CUL4A: variants seen among roughly 807,000 people sequenced by gnomAD.
CUL4A encodes cullin 4A.
Under a neutral mutation model 95.5 loss-of-function variants are expected in CUL4A, and 16 were observed. The observed-to-expected ratio is 0.17, with a 90% CI of 0.11 to 0.25. The LOEUF is 0.25. Ranked by LOEUF, CUL4A falls within the 10% of genes least tolerant of loss-of-function variation. The pLI, the probability that CUL4A is intolerant of heterozygous loss-of-function variation, is 1.00. For synonymous variants in CUL4A, 380 were observed against 353.1 expected (o/e 1.08, Z -0.85); for missense variants, 610 against 937.0 (o/e 0.65, Z 4.56).
In CUL4A at chr13:113,228,020, G is replaced by A. The variant is rs765677995; in HGVS notation, c.413G>A (p.Cys138Tyr). Reference protein sequence around the residue: ...SVLFLKKINTCWQDHCRQMIM... With the variant: ...SVLFLKKINTYWQDHCRQMIM... ...TTATTTTTAAAGAAGATTAACACGT[G>A]CTGGCAGGACCACTGCAGACAAATG... is the stretch of plus-strand genomic sequence containing the variant. The change falls in exon 4 of 20, where the codon TGC (cysteine) becomes TAC (tyrosine). Residue 138 changes from cysteine (C) to tyrosine (Y), a missense_variant. This residue lies in a region of CUL4A where 168 missense variants were observed against 185.5 expected (regional missense o/e 0.91). Transcript: ENST00000375440. 6.2e-7 allele frequency: 1 copy of A among 1,613,498 alleles called. No homozygotes were observed. The highest frequency in any genetic ancestry group is 8.5e-7 in the Non-Finnish European group (1 of 1,179,592).
chr13:113,230,306 T>C (rs1035574857), intron 5 of CUL4A: 1 of 152,570 alleles, frequency 6.6e-6, no homozygotes, highest in Non-Finnish European at 1.5e-5. Context: ...GATTTCTGCT[T>C]TCGCCATGTA....
intron 15 of CUL4A, 148 bp from the exon 16 acceptor site, chr13:113,252,934 T>A (rs2042031461): frequency 2.1e-6 from 1 of 479,978 alleles, no homozygotes; most frequent in African/African-American, 2.0e-5. Context: ...AGGACGTTTT[T>A]ACAAATAATG....
chr13:113,218,713 AT>A (rs2040785198), intron 2 of CUL4A, among the ~76,000 whole-genome samples: 1 of 152,214 alleles, frequency 6.6e-6, no homozygotes, highest in South Asian at 2.1e-4. Context: ...ATGTGCCCAC[AT>A]TAACTGTTGT....
chr13:113,253,006 ACT>A (rs1429814899), intron 15 of CUL4A, 74 bp from the exon 16 acceptor site: 4 of 626,604 alleles, frequency 6.4e-6, no homozygotes, highest in Non-Finnish European at 1.1e-5. Flanking sequence ...AAATTGTAAA[ACT>A]CTGTGCATTG....
upstream of CUL4A, chr13:113,208,614 G>A: frequency 6.2e-7 from 1 of 1,607,990 alleles, no homozygotes; most frequent in Non-Finnish European, 8.5e-7. Context: ...GCAGGTACTG[G>A]TTAATGGTAA....
chr13:113,221,578 T>G (rs1806088010), intron 3 of CUL4A, among the ~76,000 whole-genome samples: 1 of 152,032 alleles, frequency 6.6e-6, no homozygotes, highest in Non-Finnish European at 1.5e-5. Context: ...TTTTGTGTTA[T>G]TTATTTATTT....
At chr13:113,226,853 CTT>C (rs1378075798) in intron 3 of CUL4A, among the ~76,000 whole-genome samples, 2 of 152,178 alleles carry the variant, frequency 1.3e-5, no homozygotes, top group Non-Finnish European at 2.9e-5. Flanking sequence ...GGTGCCATCT[CTT>C]TTAATTTTTA....
intron 3 of CUL4A, among the ~76,000 whole-genome samples, chr13:113,227,382 G>A (rs936763987): frequency 6.6e-6 from 1 of 152,152 alleles, no homozygotes; most frequent in African/African-American, 2.4e-5. Context: ...GAAGAGGCAG[G>A]GGAGCTCTCT....
chr13:113,217,467 G>A (rs1212696183), intron 2 of CUL4A, among the ~76,000 whole-genome samples: 2 of 152,112 alleles, frequency 1.3e-5, no homozygotes, highest in Admixed American at 1.3e-4. Context: ...TAGAAAACAG[G>A]ATTATAATTA....
intron 2 of CUL4A, 78 bp from the exon 3 acceptor site, chr13:113,218,867 C>T: frequency 1.1e-6 from 1 of 941,348 alleles, no homozygotes. Context: ...ATGATTACAG[C>T]TATGTTAACA....
intron 8 of CUL4A, 79 bp downstream of exon 8, chr13:113,235,224 G>A (rs1293151399): frequency 5.1e-6 from 5 of 973,986 alleles, no homozygotes; most frequent in Non-Finnish European, 8.1e-6. Context: ...TGAAATAAAG[G>A]GTGTCTTTGT....
At chr13:113,209,005 G>T (rs532989901), upstream of CUL4A, 2 of 865,558 alleles carry the variant, frequency 2.3e-6, no homozygotes, top group South Asian at 4.6e-5. Flanking sequence ...CTCCGCGCCT[G>T]GCTGGGCCAG....
intron 4 of CUL4A, 129 bp downstream of exon 4, chr13:113,228,174 G>C (rs917327922): frequency 1.4e-6 from 1 of 703,290 alleles, no homozygotes; most frequent in East Asian, 2.8e-5. Flanking sequence ...TGAACAGCAC[G>C]ATGAGAAAAG....
chr13:113,216,479 C>T (rs1470347389), intron 2 of CUL4A, among the ~76,000 whole-genome samples: 2 of 152,196 alleles, frequency 1.3e-5, no homozygotes, highest in African/African-American at 2.4e-5. Flanking sequence ...CACCAAATTT[C>T]CTCACTTGGC....
At position 113,245,982 on chromosome 13, in the gene CUL4A, C is replaced by A; in HGVS notation, c.1557C>A (p.Gly519=). The A allele has an allele frequency of 6.2e-7, 1 of 1,613,718 alleles. No homozygotes were observed. Among genetic ancestry groups the A allele is most frequent in the South Asian group, 1.1e-5 (1 of 91,056 alleles). Reference sequence around the variant, plus strand: ...ATATGCAGAATCAGAGTGACTCAGGCCCTATAGACCTCACAGTGAACATAC... The same window carrying A: ...ATATGCAGAATCAGAGTGACTCAGGACCTATAGACCTCACAGTGAACATAC... ...KQHMQNQSDS[G]PIDLTVNILT... Residue 519 remains glycine (G), a synonymous_variant, in exon 15 of 20, where the codon GGC becomes GGA. Transcript: ENST00000375440.
rs375760822 is a variant in CUL4A at position 113,232,170 on chromosome 13, G to A, written c.513-1007G>A. Among the ~76,000 whole-genome samples the A allele has an allele frequency of 1.6e-4, 8 of 49,936 alleles. 1 individual carries two copies. The East Asian group carries it at 2.4e-3, about 15-fold the overall frequency. The allele number at this position is 49,936 out of a possible 152,430, so 32.8% of individuals were successfully genotyped here. A position where few individuals can be genotyped will look rare whatever the true frequency, so the allele number is the denominator to read the frequency against. On this transcript the variant is annotated intron_variant, in intron 5 of 19. Coordinates refer to ENST00000375440, the MANE Select transcript of CUL4A (RefSeq NM_001008895.4). ...ACCATTACTGCTGCCACCACTACCC[G>A]CCCACCACCATTACTGCTGCCACCA...
rs2042347626 is a variant in CUL4A, at chr13:113,263,681, T to C, written c.*99T>C. On this transcript the variant is annotated 3_prime_UTR_variant, in exon 20 of 20. Transcript: ENST00000375440. ...TCTGGGACTCTGATTGATCCAGCTG[T>C]GGACATTGGAAGGCGAAGGAAGGGA... is the stretch of plus-strand genomic sequence containing the variant. 1.5e-6 allele frequency: 1 copy of C among 680,370 alleles called. No individual in the cohort carries two copies. The highest frequency in any genetic ancestry group is 2.8e-5 in the South Asian group (1 of 35,372). The allele number at this position is 680,370 out of a possible 1,614,324, so 42.1% of individuals were successfully genotyped here.
intron 18 of CUL4A, 52 bp downstream of exon 18, chr13:113,255,177 T>G (rs753291637): frequency 2.1e-6 from 3 of 1,427,060 alleles, no homozygotes; most frequent in Non-Finnish European, 2.9e-6. Flanking sequence ...AGGGAATCAT[T>G]TGTTTTTGTA....
Position 113,239,438 on chromosome 13 carries a change from G to T in CUL4A, c.922G>T (p.Asp308Tyr). The T allele has an allele frequency of 1.2e-6, 2 of 1,613,612 alleles. No homozygotes were observed. Among genetic ancestry groups the T allele is most frequent in the South Asian group, 1.1e-5 (1 of 90,886 alleles). ...ACGTGTACTGCACATCTCAGGGCTC[G>T]ACCACTTACTGGATGAGAACAGAGT... ...HLTAILQKGL[D>Y]HLLDENRVPD... Residue 308 changes from aspartate (D) to tyrosine (Y), a missense_variant, in exon 10 of 20, where the codon GAC (aspartate) becomes TAC (tyrosine). Coordinates refer to ENST00000375440, the MANE Select transcript of CUL4A (RefSeq NM_001008895.4).
Sources: gnomAD v4.1 joint callset for allele counts (sites outside exome capture counted in the v4.1 genomes callset) on GRCh38, gnomAD v4.1.1 for gene constraint, gnomAD v4.1.1 regional missense constraint, MANE v1.5 for transcripts, NCBI Gene and HGNC (gene_info 2026-07-23, HGNC 2026-07-21) for gene names.